The following ROBO1 variants were observed in gnomAD, a reference collection of about 807,000 sequenced individuals.
The protein encoded by ROBO1 is roundabout guidance receptor 1.
A neutral mutation model predicts 195.9 loss-of-function variants in ROBO1; 149 were observed. The observed-to-expected ratio is 0.76, with a 90% CI of 0.67 to 0.87. The LOEUF (loss-of-function observed/expected upper bound fraction) is 0.87. ROBO1 is among the 40% of genes least tolerant of loss of function. The pLI is 0.00. For synonymous variants in ROBO1, 816 were observed against 733.2 expected (o/e 1.11, Z -1.82); for missense variants, 1,933 against 2,068.3 (o/e 0.93, Z 1.27).
chr3:79,015,242 T>A (rs2077895690), intron 3 of ROBO1, among the ~76,000 whole-genome samples: 1 of 152,024 alleles, frequency 6.6e-6, no homozygotes. Flanking sequence ...CCAGATCGTA[T>A]CGGAACTACA....
chr3:79,309,516 G>A (rs1055001812), intron 2 of ROBO1, among the ~76,000 whole-genome samples: 2 of 152,024 alleles, frequency 1.3e-5, no homozygotes, highest in Admixed American at 1.3e-4. Flanking sequence ...AAAGTGTGAG[G>A]ATCATTTTTA....
At chr3:79,620,110 C>A (rs1358889308) in intron 1 of ROBO1, among the ~76,000 whole-genome samples, 6 of 152,216 alleles carry the variant, frequency 3.9e-5, no homozygotes, top group Admixed American at 3.9e-4. Flanking sequence ...AATCTGGCCA[C>A]TGGGCCAAGG....
rs184258932 is a variant in ROBO1, at chr3:78,826,591, A to C, written c.500-79691T>G. On this transcript the variant is annotated intron_variant, in intron 4 of 30. Coordinates refer to ENST00000464233, the MANE Select transcript of ROBO1 (RefSeq NM_002941.4). ...CCTACTGAAATCAATGTAAGAGTTG[A>C]AATTGACCATGGAGGCTATTTAGAA... 4.2e-3 allele frequency among the ~76,000 whole-genome samples: 636 copies of C among 152,290 alleles called. 3 individuals are homozygous for C. The highest frequency in any genetic ancestry group is 7.4e-3 in the Non-Finnish European group (500 of 68,004).
At chr3:79,469,631 C>T (rs1044354629) in intron 2 of ROBO1, among the ~76,000 whole-genome samples, 1 of 152,150 alleles carries the variant, frequency 6.6e-6, no homozygotes, top group Non-Finnish European at 1.5e-5. Context: ...GTTTAATTTT[C>T]TTTTCTATAA....
At chr3:79,243,008 G>A (rs1470800592) in intron 2 of ROBO1, among the ~76,000 whole-genome samples, 2 of 104,444 alleles carry the variant, frequency 1.9e-5, no homozygotes, top group South Asian at 3.6e-4. Flanking sequence ...AACATGCCCT[G>A]GTGTGTGATG....
At chr3:78,917,269 G>T (rs1212788649) in intron 4 of ROBO1, among the ~76,000 whole-genome samples, 1 of 151,756 alleles carries the variant, frequency 6.6e-6, no homozygotes, top group Non-Finnish European at 1.5e-5. Context: ...GTTAATTTTG[G>T]CACTTGTAGT....
At chr3:79,289,754 A>ACT (rs2032125933) in intron 2 of ROBO1, among the ~76,000 whole-genome samples, 1 of 152,196 alleles carries the variant, frequency 6.6e-6, no homozygotes, top group South Asian at 2.1e-4. Context: ...CAGAACCACA[A>ACT]CTTGAACTTT....
At chr3:79,357,464 G>A (rs919135782) in intron 2 of ROBO1, among the ~76,000 whole-genome samples, 1 of 152,048 alleles carries the variant, frequency 6.6e-6, no homozygotes, top group Non-Finnish European at 1.5e-5. Context: ...ATTAATTGGG[G>A]TAATTACAAG....
intron 4 of ROBO1, among the ~76,000 whole-genome samples, chr3:78,867,133 G>A (rs2035231941): frequency 6.6e-6 from 1 of 152,174 alleles, no homozygotes; most frequent in South Asian, 2.1e-4. Context: ...GAAATTCGTT[G>A]CCCTTAACTT....
intron 3 of ROBO1, among the ~76,000 whole-genome samples, chr3:79,094,019 G>A (rs940096723): frequency 6.6e-6 from 1 of 151,980 alleles, no homozygotes; most frequent in African/African-American, 2.4e-5. Flanking sequence ...TAGCTTCAAG[G>A]GCACCATATG....
At chr3:79,121,992 A>G (rs2080126853) in intron 3 of ROBO1, among the ~76,000 whole-genome samples, 2 of 152,008 alleles carry the variant, frequency 1.3e-5, no homozygotes, top group Non-Finnish European at 2.9e-5. Flanking sequence ...TTATACGTAT[A>G]TTTCAGAAAT....
chr3:79,682,723 A>G (rs533998601), intron 1 of ROBO1, among the ~76,000 whole-genome samples: 1 of 152,022 alleles, frequency 6.6e-6, no homozygotes, highest in Non-Finnish European at 1.5e-5. Context: ...AGAAAAATAG[A>G]ACTTCCTCAT....
intron 2 of ROBO1, among the ~76,000 whole-genome samples, chr3:79,510,704 GAA>G (rs1374447155): frequency 6.6e-6 from 1 of 152,020 alleles, no homozygotes; most frequent in East Asian, 1.9e-4. Context: ...TGTAAGGTAT[GAA>G]ATGTCTATGC....
intron 2 of ROBO1, among the ~76,000 whole-genome samples, chr3:79,324,962 T>G (rs149879312): frequency 6.6e-6 from 1 of 152,282 alleles, no homozygotes; most frequent in African/African-American, 2.4e-5. Context: ...TACTCCCAGG[T>G]GCAGTGTACA....
At position 79,552,238 on chromosome 3, in the gene ROBO1, C is replaced by T. The variant is rs1416632968; in HGVS notation, c.88+37586G>A. On this transcript the variant is annotated intron_variant, in intron 2 of 30. Coordinates refer to ENST00000464233, the MANE Select transcript of ROBO1 (RefSeq NM_002941.4). ...GCTTGGACAACAACACATACTATAT[C>T]TCTTGAATATTCATTCTGAATATTA... Among the ~76,000 whole-genome samples, 3 of 152,038 alleles carry T rather than the reference C, an allele frequency of 2.0e-5. No homozygotes were observed. In the East Asian group the frequency reaches 5.8e-4, roughly 29 times the overall value.
At chr3:79,241,075 C>G (rs1274581465) in intron 2 of ROBO1, among the ~76,000 whole-genome samples, 3 of 152,080 alleles carry the variant, frequency 2.0e-5, no homozygotes, top group African/African-American at 7.2e-5. Context: ...TTATTTTCAA[C>G]TAAAATTGAG....
chr3:79,049,581 C>G (rs1342765791), intron 3 of ROBO1, among the ~76,000 whole-genome samples: 1 of 152,008 alleles, frequency 6.6e-6, no homozygotes, highest in East Asian at 1.9e-4. Flanking sequence ...AGAGCAACCC[C>G]AAGACACGTA....
intron 4 of ROBO1, among the ~76,000 whole-genome samples, chr3:78,852,506 A>G (rs182003250): frequency 8.5e-5 from 13 of 152,324 alleles, no homozygotes; most frequent in Admixed American, 2.0e-4. Context: ...AACTGTGGTC[A>G]GCATCATGAT....
chr3:78,830,343 A>G (rs373424741), intron 4 of ROBO1, among the ~76,000 whole-genome samples: 12 of 152,080 alleles, frequency 7.9e-5, no homozygotes, highest in African/African-American at 2.7e-4. Flanking sequence ...TATGTTGCAT[A>G]CTCCTGTGAT....
Sources: gnomAD v4.1 joint callset for allele counts (sites outside exome capture counted in the v4.1 genomes callset) on GRCh38, gnomAD v4.1.1 for gene constraint, MANE v1.5 for transcripts, NCBI Gene and HGNC (gene_info 2026-07-23, HGNC 2026-07-21) for gene names.